ZNG1A: variants seen among roughly 807,000 people sequenced by gnomAD.
The protein encoded by ZNG1A is Zn regulated GTPase metalloprotein activator 1A, also known as zinc-regulated GTPase metalloprotein activator 1A.
chr9:161,580 A>G, the ZNG1A span: 5 of 1,286,474 alleles, frequency 3.9e-6, no homozygotes, highest in Non-Finnish European at 5.1e-6. Context: ...TTTGGGCCCT[A>G]TCCATATGCT....
chr9:126,563 C>G, the ZNG1A span, among the ~76,000 whole-genome samples: 2 of 152,016 alleles, frequency 1.3e-5, no homozygotes, highest in Non-Finnish European at 2.9e-5. Flanking sequence ...TCTCCCGTTT[C>G]ATTTCTTATT....
chr9:173,396 G>C, the ZNG1A span: 7 of 1,603,944 alleles, frequency 4.4e-6, 1 homozygote, highest in South Asian at 7.8e-5. Context: ...GCACTCTTTA[G>C]CTTATGTCCA....
At chr9:147,656 G>GT in the ZNG1A span, 1 of 147,812 alleles carries the variant, frequency 6.8e-6, no homozygotes, top group African/African-American at 2.7e-5. Flanking sequence ...AAATTTCTGA[G>GT]TATCAGTTTA....
the ZNG1A span, among the ~76,000 whole-genome samples, chr9:140,694 T>C: frequency 6.6e-6 from 1 of 151,696 alleles, no homozygotes. Context: ...GGAGGGAGAA[T>C]GACTTTGACG....
At chr9:163,239 T>C in the ZNG1A span, among the ~76,000 whole-genome samples, 1 of 152,000 alleles carries the variant, frequency 6.6e-6, no homozygotes, top group Admixed American at 6.6e-5. Context: ...TGAAGGCATA[T>C]CATTGCCCAA....
chr9:139,034 T>C, the ZNG1A span, among the ~76,000 whole-genome samples: 1 of 149,538 alleles, frequency 6.7e-6, no homozygotes, highest in Non-Finnish European at 1.5e-5. Context: ...CATGTCCATT[T>C]TCATGATCTT....
At chr9:146,799 AGCATTAG>A in the ZNG1A span, 1 of 134,260 alleles carries the variant, frequency 7.4e-6, no homozygotes, top group Non-Finnish European at 1.6e-5. Flanking sequence ...TATCACAATT[AGCATTAG>A]GTTTGGTTTA....
chr9:125,469 A>G, the ZNG1A span, among the ~76,000 whole-genome samples: 4 of 150,414 alleles, frequency 2.7e-5, no homozygotes, highest in Non-Finnish European at 4.4e-5. Context: ...TCAGATGTAT[A>G]TATTATGAAA....
At chr9:166,546 G>T in the ZNG1A span, 1 of 152,626 alleles carries the variant, frequency 6.6e-6, no homozygotes, top group African/African-American at 2.4e-5. Flanking sequence ...AAGTGGCAAA[G>T]AACCCATTCT....
the ZNG1A span, among the ~76,000 whole-genome samples, chr9:145,908 C>T: frequency 1.3e-5 from 2 of 150,996 alleles, no homozygotes; most frequent in Admixed American, 6.6e-5. Flanking sequence ...ATAATTTCTA[C>T]AGGAAAATGC....
chr9:174,573 G>GA, the ZNG1A span, among the ~76,000 whole-genome samples: 1 of 151,476 alleles, frequency 6.6e-6, no homozygotes, highest in Non-Finnish European at 1.5e-5. Flanking sequence ...ATAAGATGAT[G>GA]AAAAAAACAG....
chr9:142,724 A>G, the ZNG1A span, among the ~76,000 whole-genome samples: 1 of 145,062 alleles, frequency 6.9e-6, no homozygotes, highest in African/African-American at 2.6e-5. Flanking sequence ...GAGACACAAA[A>G]AACCCTTCAA....
the ZNG1A span, among the ~76,000 whole-genome samples, chr9:139,889 G>C: frequency 6.6e-6 from 1 of 151,038 alleles, no homozygotes; most frequent in African/African-American, 2.5e-5. Context: ...CCTAGTCAAA[G>C]AAAGGGGTGA....
At chr9:143,206 C>T in the ZNG1A span, among the ~76,000 whole-genome samples, 1 of 148,534 alleles carries the variant, frequency 6.7e-6, no homozygotes, top group African/African-American at 2.5e-5. Context: ...AGGCCAGCAT[C>T]ATCCTGATAC....
At chr9:143,312 C>T in the ZNG1A span, among the ~76,000 whole-genome samples, 1,630 of 145,478 alleles carry the variant, frequency 0.011, 29 homozygotes, top group African/African-American at 0.04. Flanking sequence ...ACTGGCAAAC[C>T]GAATCCAGCA....
chr9:130,347 T>C, the ZNG1A span, among the ~76,000 whole-genome samples: 3 of 136,454 alleles, frequency 2.2e-5, no homozygotes, highest in Non-Finnish European at 1.6e-5. Flanking sequence ...CAAAAATGTT[T>C]AAAATGTATT....
the ZNG1A span, among the ~76,000 whole-genome samples, chr9:129,647 T>C: frequency 2.0e-5 from 3 of 148,564 alleles, no homozygotes; most frequent in South Asian, 2.2e-4. Flanking sequence ...AAAACGGTGG[T>C]TACCAGGGGT....
the ZNG1A span, among the ~76,000 whole-genome samples, chr9:156,901 T>G: frequency 6.6e-6 from 1 of 151,976 alleles, no homozygotes; most frequent in African/African-American, 2.4e-5. Context: ...GTTCTAAATA[T>G]TCATTATTAC....
the ZNG1A span, chr9:160,015 T>C: frequency 2.2e-6 from 1 of 453,670 alleles, no homozygotes; most frequent in Non-Finnish European, 4.4e-6. Flanking sequence ...TCTGGGTAAC[T>C]TCATTCATTG....
Sources: gnomAD v4.1 joint callset for allele counts (sites outside exome capture counted in the v4.1 genomes callset) on GRCh38, gnomAD v4.1.1 for gene constraint, MANE v1.5 for transcripts, NCBI Gene and HGNC (gene_info 2026-07-23, HGNC 2026-07-21) for gene names.